The following LPAR1 variants were observed in gnomAD, a reference collection of about 807,000 sequenced individuals.
The protein encoded by LPAR1 is LPA receptor 1.
A neutral mutation model predicts 23.8 loss-of-function variants in LPAR1; 5 were observed. That is an observed-to-expected ratio of 0.21 (90% confidence interval 0.11 to 0.44). LPAR1 has a LOEUF of 0.44. LPAR1 is among the 20% of genes least tolerant of loss of function. The pLI is 0.99. For missense variants in LPAR1, 311 were observed against 482.8 expected, an observed-to-expected ratio of 0.64 and a Z score of 3.33; for synonymous variants, 160 against 164.7, an observed-to-expected ratio of 0.97 and a Z score of 0.22.
chr9:110,926,633 T>C (rs1247471736), intron 5 of LPAR1, among the ~76,000 whole-genome samples: 1 of 152,184 alleles, frequency 6.6e-6, no homozygotes, highest in Admixed American at 6.5e-5. Flanking sequence ...CTATTTAGTG[T>C]GAAACAATCT....
intron 5 of LPAR1, among the ~76,000 whole-genome samples, chr9:110,940,317 G>A (rs2095010767): frequency 6.6e-6 from 1 of 152,196 alleles, no homozygotes; most frequent in South Asian, 2.1e-4. Flanking sequence ...GCAGGACCCT[G>A]TCTCCTTCCA....
rs530253579 is a variant in LPAR1, at chr9:110,874,898, C to T, written c.*523G>A. The T allele has an allele frequency of 6.5e-6, 1 of 152,682 alleles. No individual in the cohort carries two copies. Among genetic ancestry groups the T allele is most frequent in the South Asian group, 2.1e-4 (1 of 4,828 alleles). The allele number at this position is 152,682 out of a possible 1,614,324, so 9.5% of individuals were successfully genotyped here. A position where few individuals can be genotyped will look rare whatever the true frequency, so the allele number is the denominator to read the frequency against. Reference sequence around the variant, plus strand: ...ATGCTTTCTAAACAAAAGATAATTCCAACTTACAGTTTTCCTATGTAAGGG... The same window carrying T: ...ATGCTTTCTAAACAAAAGATAATTCTAACTTACAGTTTTCCTATGTAAGGG... On this transcript the variant is annotated 3_prime_UTR_variant, in exon 6 of 6. Transcript: ENST00000683809.
chr9:110,935,785 T>C (rs1452376513), intron 5 of LPAR1, among the ~76,000 whole-genome samples: 2 of 152,230 alleles, frequency 1.3e-5, no homozygotes, highest in African/African-American at 4.8e-5. Context: ...TGATACATTA[T>C]GTGAGGACTC....
chr9:111,025,426 C>T (rs1480209019), intron 2 of LPAR1, among the ~76,000 whole-genome samples: 1 of 152,038 alleles, frequency 6.6e-6, no homozygotes, highest in Non-Finnish European at 1.5e-5. Flanking sequence ...TTTTAAGCTC[C>T]TTGTAGATTC....
rs1231728451 is a variant in LPAR1 at position 110,874,488 on chromosome 9, AT to A, written c.*932del. 6.6e-6 allele frequency: 1 copy of A among 152,564 alleles called. No homozygotes were observed. The highest frequency in any genetic ancestry group is 1.9e-4 in the East Asian group (1 of 5,184). The allele number at this position is 152,564 out of a possible 1,614,324, so 9.5% of individuals were successfully genotyped here. ...CTGGGTTGTGATATTATCAGTAATC[AT>A]TTTTGCTTTTTTATACATTTCTGCA... On this transcript the variant is annotated 3_prime_UTR_variant, in exon 6 of 6. Transcript: ENST00000683809.
intron 4 of LPAR1, among the ~76,000 whole-genome samples, chr9:110,948,736 CA>C (rs1216816487): frequency 6.6e-6 from 1 of 151,856 alleles, no homozygotes; most frequent in Non-Finnish European, 1.5e-5. Context: ...GAACTTAAAC[CA>C]AGGTGAAAGG....
intron 2 of LPAR1, among the ~76,000 whole-genome samples, chr9:111,010,962 A>G (rs1193916504): frequency 6.6e-6 from 1 of 152,192 alleles, no homozygotes; most frequent in Non-Finnish European, 1.5e-5. Flanking sequence ...GTGCTTTCCA[A>G]ATTCACAGCA....
At chr9:111,026,814 T>C (rs747813329) in intron 2 of LPAR1, among the ~76,000 whole-genome samples, 3 of 152,238 alleles carry the variant, frequency 2.0e-5, no homozygotes, top group African/African-American at 7.2e-5. Flanking sequence ...GTTCTGTTTA[T>C]GCGATGGATT....
chr9:110,934,972 A>G (rs2094603572), intron 5 of LPAR1, among the ~76,000 whole-genome samples: 1 of 152,200 alleles, frequency 6.6e-6, no homozygotes, highest in African/African-American at 2.4e-5. Context: ...GTGAAAAGCT[A>G]CTATATGTGA....
At chr9:111,021,927 G>A (rs542591517) in intron 2 of LPAR1, among the ~76,000 whole-genome samples, 24 of 120,460 alleles carry the variant, frequency 2.0e-4, no homozygotes, top group East Asian at 1.6e-3. Context: ...TCCCGCCACC[G>A]CACTCCAGCC....
At chr9:110,968,588 T>A (rs2096296349) in intron 4 of LPAR1, among the ~76,000 whole-genome samples, 1 of 152,146 alleles carries the variant, frequency 6.6e-6, no homozygotes, top group Admixed American at 6.6e-5. Flanking sequence ...TTTTCTTGGG[T>A]CTCCACTTTC....
At chr9:111,036,692 A>G (rs927539083) in intron 1 of LPAR1, among the ~76,000 whole-genome samples, 1 of 152,132 alleles carries the variant, frequency 6.6e-6, no homozygotes, top group Non-Finnish European at 1.5e-5. Context: ...GGCTCGGATG[A>G]TGACAACCCA....
chr9:110,959,268 G>C (rs1254037540), intron 4 of LPAR1, among the ~76,000 whole-genome samples: 1 of 149,818 alleles, frequency 6.7e-6, no homozygotes, highest in Admixed American at 6.7e-5. Context: ...AAGAAAGACA[G>C]AGAAGGTAAG....
chr9:111,027,885 C>CAA lies in LPAR1; in HGVS notation c.-182+8235_-182+8236dup, dbSNP rs10594862. Reference sequence around the variant, plus strand: ...ATATGGGCAGAGAAGCACAAGTCCTCAAAAAAAAAAAAAAAAAAAAAAAAA... The same window carrying CAA: ...ATATGGGCAGAGAAGCACAAGTCCTCAAAAAAAAAAAAAAAAAAAAAAAAAAA... On this transcript the variant is annotated intron_variant, in intron 2 of 5. Transcript: ENST00000683809. Among the ~76,000 whole-genome samples the CAA allele has an allele frequency of 1.0e-3, 59 of 56,696 alleles. 3 individuals carry two copies. The highest frequency in any genetic ancestry group is 2.4e-3 in the African/African-American group (35 of 14,452). 37.2% of individuals were successfully genotyped at this position (56,696 alleles called of 152,430 possible). A position where few individuals can be genotyped will look rare whatever the true frequency, so the allele number is the denominator to read the frequency against.
chr9:111,022,199 G>C (rs1198149643), intron 2 of LPAR1, among the ~76,000 whole-genome samples: 1 of 152,098 alleles, frequency 6.6e-6, no homozygotes, highest in South Asian at 2.1e-4. Context: ...TAAACAGCCA[G>C]AGCAAAGTTG....
Position 111,012,479 on chromosome 9 carries a change from A to G in LPAR1, c.-182+23643T>C, listed in dbSNP as rs867637286. On this transcript the variant is annotated intron_variant, in intron 2 of 5. Coordinates refer to ENST00000683809, the MANE Select transcript of LPAR1 (RefSeq NM_001351411.2). ...CATGTACGCACGCGCGCACACACAC[A>G]CACACACACACACACATACACACTC... 2.2e-3 allele frequency among the ~76,000 whole-genome samples: 332 copies of G among 152,024 alleles called. 1 individual carries two copies. Among genetic ancestry groups the G allele is most frequent in the African/African-American group, 7.7e-3 (318 of 41,464 alleles).
intron 5 of LPAR1, among the ~76,000 whole-genome samples, chr9:110,937,482 C>A (rs1409992221): frequency 2.6e-5 from 4 of 152,148 alleles, no homozygotes; most frequent in Admixed American, 2.6e-4. Context: ...CCTAACCTCT[C>A]CTTACCTCAG....
intron 5 of LPAR1, among the ~76,000 whole-genome samples, chr9:110,898,852 G>A (rs532381187): frequency 2.0e-5 from 3 of 152,234 alleles, no homozygotes; most frequent in East Asian, 1.9e-4. Context: ...GGCCTTTCAC[G>A]TAATGTGTGT....
At chr9:110,942,549 G>A (rs1039795542) in intron 4 of LPAR1, among the ~76,000 whole-genome samples, 7 of 152,192 alleles carry the variant, frequency 4.6e-5, no homozygotes, top group African/African-American at 1.7e-4. Context: ...GTTATTTAGG[G>A]AATCTGTAAA....
Sources: gnomAD v4.1 joint callset for allele counts (sites outside exome capture counted in the v4.1 genomes callset) on GRCh38, gnomAD v4.1.1 for gene constraint, MANE v1.5 for transcripts, NCBI Gene and HGNC (gene_info 2026-07-23, HGNC 2026-07-21) for gene names.